The following MPC2 variants were observed in gnomAD, a reference collection of about 807,000 sequenced individuals.
The protein encoded by MPC2 is brain protein 44.
Under a neutral mutation model 19.2 loss-of-function variants are expected in MPC2, and 19 were observed. The ratio of observed to expected loss-of-function variants is 0.99; its 90% CI spans 0.69 to 1.45. The LOEUF (loss-of-function observed/expected upper bound fraction) is 1.45, where lower values mean the gene tolerates loss of function less well. Ranked by LOEUF, MPC2 falls within the 40% of genes most tolerant of loss-of-function variation. The pLI is 0.00. For missense variants in MPC2, 122 were observed against 153.0 expected (o/e 0.80, Z 1.07); for synonymous variants, 61 against 54.3 (o/e 1.12, Z -0.54).
At chr1:167,920,241 A>G (rs1361788917) in intron 4 of MPC2, 151 bp from the exon 5 acceptor site, 1 of 603,588 alleles carries the variant, frequency 1.7e-6, no homozygotes, top group Non-Finnish European at 2.9e-6. Context: ...TCTGTAACTT[A>G]GTGTCACAGA....
chr1:167,920,709 C>G (rs530071704), intron 3 of MPC2, 78 bp from the exon 4 acceptor site: 1 of 1,395,988 alleles, frequency 7.2e-7, no homozygotes, highest in East Asian at 2.6e-5. Context: ...AAGCACAAGA[C>G]ATTTTTGAGA....
intron 2 of MPC2, among the ~76,000 whole-genome samples, chr1:167,934,871 T>C (rs998917879): frequency 6.6e-6 from 1 of 152,126 alleles, no homozygotes; most frequent in African/African-American, 2.4e-5. Flanking sequence ...ACTCACTTTA[T>C]AGAAGAGGTA....
rs1670495306 is a variant in MPC2 at position 167,917,755 on chromosome 1, CATT to C, written c.*565_*567del. The C allele has an allele frequency of 2.6e-5, 4 of 152,292 alleles. No homozygotes were observed. The highest frequency in any genetic ancestry group is 2.6e-4 in the Admixed American group (4 of 15,292). The allele number at this position is 152,292 out of a possible 1,614,324, so 9.4% of individuals were successfully genotyped here. On this transcript the variant is annotated 3_prime_UTR_variant, in exon 6 of 6. Coordinates refer to ENST00000271373, the MANE Select transcript of MPC2 (RefSeq NM_001143674.4). Reference sequence around the variant, plus strand: ...TCATGGACCAGGCACTATGTTAAAACATTATCTCATTAATCTTTACAATGATCC... The same window carrying C: ...TCATGGACCAGGCACTATGTTAAAACATCTCATTAATCTTTACAATGATCC...
intron 5 of MPC2, among the ~76,000 whole-genome samples, chr1:167,919,704 T>C (rs1670552239): frequency 6.6e-6 from 1 of 152,172 alleles, no homozygotes; most frequent in Non-Finnish European, 1.5e-5. Context: ...TGATGCACAG[T>C]TAAATCTAAA....
intron 3 of MPC2, 110 bp downstream of exon 3, chr1:167,924,387 G>A (rs1670679094): frequency 7.5e-6 from 6 of 805,206 alleles, no homozygotes; most frequent in Non-Finnish European, 1.2e-5. Flanking sequence ...TCATCTAGAG[G>A]CATACCAAGA....
At position 167,937,066 on chromosome 1, in the gene MPC2, G is replaced by A; in HGVS notation, c.-185C>T. ...GTCGCCGCCTAGAGTGGGGGAGGGGGCACGCTGCCGGGTCTGTTGGAGGTG... is the reference window on the plus strand; with the variant it reads ...GTCGCCGCCTAGAGTGGGGGAGGGGACACGCTGCCGGGTCTGTTGGAGGTG... On this transcript the variant is annotated 5_prime_UTR_variant, in exon 1 of 6. Transcript: ENST00000271373. The A allele has an allele frequency of 1.4e-6, 2 of 1,440,008 alleles. No individual in the cohort carries two copies. The highest frequency in any genetic ancestry group is 1.2e-5 in the South Asian group (1 of 82,892). 89.2% of individuals were successfully genotyped at this position (1,440,008 alleles called of 1,614,324 possible).
chr1:167,918,200 C>T lies in MPC2; in HGVS notation c.*123G>A. 1.5e-6 allele frequency: 1 copy of T among 681,296 alleles called. No homozygotes were observed. The highest frequency in any genetic ancestry group is 2.4e-6 in the Non-Finnish European group (1 of 412,676). The allele number at this position is 681,296 out of a possible 1,614,324, so 42.2% of individuals were successfully genotyped here. Reference sequence around the variant, plus strand: ...CTGCATTTTTCTATTGAATCAAGAACTAGCTACCAGTTACAGTGCCTTCTA... The same window carrying T: ...CTGCATTTTTCTATTGAATCAAGAATTAGCTACCAGTTACAGTGCCTTCTA... On this transcript the variant is annotated 3_prime_UTR_variant, in exon 6 of 6. Coordinates refer to ENST00000271373, the MANE Select transcript of MPC2 (RefSeq NM_001143674.4).
rs1670512322 is a variant in MPC2, at chr1:167,918,196, AG to A, written c.*126del. On this transcript the variant is annotated 3_prime_UTR_variant, in exon 6 of 6. Transcript: ENST00000271373. ...TTTGCTGCATTTTTCTATTGAATCA[AG>A]AACTAGCTACCAGTTACAGTGCCTT... is the stretch of plus-strand genomic sequence containing the variant. The A allele has an allele frequency of 1.5e-6, 1 of 658,156 alleles. No homozygotes were observed. Among genetic ancestry groups the A allele is most frequent in the African/African-American group, 1.8e-5 (1 of 54,068 alleles). The allele number at this position is 658,156 out of a possible 1,614,324, so 40.8% of individuals were successfully genotyped here.
intron 2 of MPC2, among the ~76,000 whole-genome samples, chr1:167,932,032 C>T (rs1670925967): frequency 6.6e-6 from 1 of 152,152 alleles, no homozygotes; most frequent in Admixed American, 6.5e-5. Context: ...AGCACTGCAA[C>T]AAGTTTCACA....
chr1:167,933,048 A>T (rs1322024351), intron 2 of MPC2, among the ~76,000 whole-genome samples: 1 of 152,138 alleles, frequency 6.6e-6, no homozygotes, highest in Non-Finnish European at 1.5e-5. Context: ...ACAGTGGCAG[A>T]TCATGACATG....
Position 167,918,204 on chromosome 1 carries a change from C to T in MPC2, c.*119G>A. 1.4e-6 allele frequency: 1 copy of T among 704,606 alleles called. No individual in the cohort carries two copies. The highest frequency in any genetic ancestry group is 3.0e-5 in the Admixed American group (1 of 33,478). 43.6% of individuals were successfully genotyped at this position (704,606 alleles called of 1,614,324 possible). On this transcript the variant is annotated 3_prime_UTR_variant, in exon 6 of 6. Coordinates refer to ENST00000271373, the MANE Select transcript of MPC2 (RefSeq NM_001143674.4). ...ATTTTTCTATTGAATCAAGAACTAG[C>T]TACCAGTTACAGTGCCTTCTAAACA...
In MPC2 at chr1:167,917,597, CAAAAA is replaced by C. The variant is rs36120795; in HGVS notation, c.*721_*725del. 3.8e-5 allele frequency: 3 copies of C among 79,834 alleles called. No homozygotes were observed. The highest frequency in any genetic ancestry group is 4.6e-4 in the East Asian group (1 of 2,156). 4.9% of individuals were successfully genotyped at this position (79,834 alleles called of 1,614,324 possible). ...TGGGCCACAGAGCGAGACCCTGTCT[CAAAAA>C]AAAAAAAAAAAAAAAAGTCACAACA... is the stretch of plus-strand genomic sequence containing the variant. On this transcript the variant is annotated 3_prime_UTR_variant, in exon 6 of 6. Coordinates refer to ENST00000271373, the MANE Select transcript of MPC2 (RefSeq NM_001143674.4).
chr1:167,923,817 A>C (rs972617388), intron 3 of MPC2, among the ~76,000 whole-genome samples: 3 of 152,176 alleles, frequency 2.0e-5, no homozygotes, highest in Admixed American at 1.3e-4. Context: ...TTTCAGATTT[A>C]GTAGGTCTGT....
intron 4 of MPC2, 124 bp from the exon 5 acceptor site, chr1:167,920,214 T>A: frequency 1.6e-6 from 1 of 642,134 alleles, no homozygotes; most frequent in Non-Finnish European, 2.7e-6. Flanking sequence ...AATGCTATAC[T>A]CTGAATTTTC....
chr1:167,920,599 G>T lies in MPC2; in HGVS notation c.183C>A (p.Ala61=), dbSNP rs143662436. Residue 61 remains alanine (A), a synonymous_variant, in exon 4 of 6, where the codon GCC becomes GCA. Transcript: ENST00000271373. ...GLVCAGLADM[A]RPAEKLSTAQ... ...CTGTGCTAAGTTTTTCTGCAGGTCT[G>T]GCCATATCAGCCAATCCAGCACACA... 8 of 1,613,740 alleles carry T rather than the reference G, an allele frequency of 5.0e-6. No homozygotes were observed. In the African/African-American group the frequency reaches 8.0e-5, roughly 16 times the overall value.
chr1:167,928,130 C>T (rs1459933717), intron 2 of MPC2, among the ~76,000 whole-genome samples: 1 of 152,052 alleles, frequency 6.6e-6, no homozygotes, highest in Non-Finnish European at 1.5e-5. Context: ...GGGCGGATCA[C>T]GAGGTCAGAA....
In MPC2 at chr1:167,935,793, G is replaced by A. The variant is rs1300757890; in HGVS notation, c.49C>T (p.Leu17Phe). Residue 17 changes from leucine to phenylalanine, a missense_variant, in exon 2 of 6, where the codon CTC becomes TTC. Leu to Phe is a conservative substitution (Grantham distance 22). Transcript: ENST00000271373. ...GGCAGCATCAGCTCCACTTTATCGA[G>A]GAGCCGGTGGTAGGTGGCCCGCAGG... ...RGLRATYHRL[L>F]DKVELMLPEK... is the part of the protein sequence containing the mutation. The A allele has an allele frequency of 3.8e-6, 6 of 1,560,570 alleles. No homozygotes were observed. Among genetic ancestry groups the A allele is most frequent in the Non-Finnish European group, 5.2e-6 (6 of 1,152,606 alleles).
chr1:167,926,602 G>A (rs1417979984), intron 2 of MPC2, among the ~76,000 whole-genome samples: 1 of 152,176 alleles, frequency 6.6e-6, no homozygotes, highest in Non-Finnish European at 1.5e-5. Context: ...CCCAACTGTG[G>A]TGCCCCAACT....
chr1:167,925,442 C>CACAT lies in MPC2; in HGVS notation c.110-906_110-905insATGT, dbSNP rs1553200803. Reference sequence around the variant, plus strand: ...TATAATATACAGATATACATATACACATATATATATATATATATATATATA... The same window carrying CACAT: ...TATAATATACAGATATACATATACACACATATATATATATATATATATATATATA... On this transcript the variant is annotated intron_variant, in intron 2 of 5. Coordinates refer to ENST00000271373, the MANE Select transcript of MPC2 (RefSeq NM_001143674.4). Among the ~76,000 whole-genome samples, 125 of 82,474 alleles carry CACAT rather than the reference C, an allele frequency of 1.5e-3. 1 individual carries two copies. The highest frequency in any genetic ancestry group is 9.7e-3 in the East Asian group (32 of 3,284). 54.1% of individuals were successfully genotyped at this position (82,474 alleles called of 152,430 possible).
Sources: allele counts gnomAD v4.1 joint callset (sites outside exome capture counted in the v4.1 genomes callset), GRCh38; gene constraint gnomAD v4.1.1; transcripts MANE v1.5; gene names NCBI Gene and HGNC (gene_info 2026-07-23, HGNC 2026-07-21).